Variants in RTN4RL1 observed in about 807,000 individuals in gnomAD.
RTN4RL1 encodes reticulon 4 receptor like 1.
In RTN4RL1, 7 loss-of-function variants were observed where a neutral mutation model predicts 25.6. The ratio of observed to expected loss-of-function variants is 0.27; its 90% CI spans 0.16 to 0.51. The LOEUF (loss-of-function observed/expected upper bound fraction) is 0.51. RTN4RL1 is among the 20% of genes least tolerant of loss of function. The pLI is 0.97. For missense variants in RTN4RL1, 500 were observed against 615.6 expected, an observed-to-expected ratio of 0.81 and a Z score of 1.99; for synonymous variants, 297 against 288.2, an observed-to-expected ratio of 1.03 and a Z score of -0.31.
intron 1 of RTN4RL1, among the ~76,000 whole-genome samples, chr17:1,960,068 CTGG>C (rs902780916): frequency 1.9e-4 from 29 of 152,198 alleles, no homozygotes; most frequent in Admixed American, 4.6e-4. Flanking sequence ...GCTGCTCAAG[CTGG>C]AAATGCAGGT....
Position 1,935,215 on chromosome 17 carries a change from G to A in RTN4RL1, c.*1281C>T, listed in dbSNP as rs1002438611. 6.5e-6 allele frequency: 1 copy of A among 152,852 alleles called. No homozygotes were observed. Among genetic ancestry groups the A allele is most frequent in the East Asian group, 1.9e-4 (1 of 5,186 alleles). The allele number at this position is 152,852 out of a possible 1,614,324, so 9.5% of individuals were successfully genotyped here. A position where few individuals can be genotyped will look rare whatever the true frequency, so the allele number is the denominator to read the frequency against. ...GCTGACGACACGGTCCGACCCTTTG[G>A]ACTAACACTGTGGATGCTGCCTGGC... On this transcript the variant is annotated 3_prime_UTR_variant, in exon 2 of 2. Coordinates refer to ENST00000331238, the MANE Select transcript of RTN4RL1 (RefSeq NM_178568.4).
Position 1,939,154 on chromosome 17 carries a change from C to A in RTN4RL1, c.14-1346G>T, listed in dbSNP as rs968155176. On this transcript the variant is annotated intron_variant, in intron 1 of 1. Transcript: ENST00000331238. ...GATCACGAGGTCAGGAGATCGAGAC[C>A]ATCCTGGCTAACACGGCGAAACCCC... 1.3e-4 allele frequency among the ~76,000 whole-genome samples: 20 copies of A among 152,082 alleles called. No homozygotes were observed. In the East Asian group the frequency reaches 3.5e-3, roughly 27 times the overall value.
chr17:2,020,869 G>C (rs758336253), intron 1 of RTN4RL1, among the ~76,000 whole-genome samples: 1 of 152,172 alleles, frequency 6.6e-6, no homozygotes, highest in Non-Finnish European at 1.5e-5. Flanking sequence ...GGAAAGCCAC[G>C]GGTCCCGACC....
intron 1 of RTN4RL1, among the ~76,000 whole-genome samples, chr17:1,987,640 C>T (rs1392512104): frequency 2.6e-5 from 4 of 151,918 alleles, no homozygotes; most frequent in Non-Finnish European, 5.9e-5. Context: ...GTCCTTCTAG[C>T]TCTGAAGCAG....
chr17:2,010,305 AAAT>A (rs1412072479), intron 1 of RTN4RL1, among the ~76,000 whole-genome samples: 1 of 134,854 alleles, frequency 7.4e-6, no homozygotes, highest in African/African-American at 2.6e-5. Flanking sequence ...AAAAATAAAA[AAAT>A]AATAATAAAA....
chr17:1,949,976 G>A (rs1374610253), intron 1 of RTN4RL1, among the ~76,000 whole-genome samples: 2 of 152,236 alleles, frequency 1.3e-5, no homozygotes, highest in Non-Finnish European at 2.9e-5. Context: ...AGCTTGGCTT[G>A]GACAAGGGCA....
At chr17:1,962,312 GAAGT>G (rs1453149137) in intron 1 of RTN4RL1, among the ~76,000 whole-genome samples, 1 of 151,202 alleles carries the variant, frequency 6.6e-6, no homozygotes, top group East Asian at 1.9e-4. Context: ...AAAAAGAAAA[GAAGT>G]AAGAAAGAAA....
intron 1 of RTN4RL1, among the ~76,000 whole-genome samples, chr17:1,955,646 C>T (rs1422541027): frequency 1.3e-5 from 2 of 151,444 alleles, no homozygotes; most frequent in Admixed American, 6.6e-5. Context: ...TGCAGTGGCG[C>T]GATCTCGGCT....
intron 1 of RTN4RL1, among the ~76,000 whole-genome samples, chr17:1,942,530 G>A (rs988910842): frequency 6.6e-5 from 10 of 152,064 alleles, no homozygotes; most frequent in Non-Finnish European, 1.5e-4. Flanking sequence ...TGCCATCCCC[G>A]TGCCACCTGC....
intron 1 of RTN4RL1, among the ~76,000 whole-genome samples, chr17:2,000,013 G>C (rs968354733): frequency 6.6e-6 from 1 of 152,240 alleles, no homozygotes; most frequent in African/African-American, 2.4e-5. Context: ...ATGGGTGCAG[G>C]GGCACAGGCC....
At chr17:2,024,745 C>T (rs1027658228) in intron 1 of RTN4RL1, 108 bp downstream of exon 1, 2 of 1,157,362 alleles carry the variant, frequency 1.7e-6, no homozygotes, top group Non-Finnish European at 2.4e-6. Context: ...CACCAGCCCG[C>T]CGGGGGCTAC....
At chr17:1,962,293 AAAGTAAGAAAAAAGAAAAGAAGT>A (rs1476056648) in intron 1 of RTN4RL1, among the ~76,000 whole-genome samples, 1 of 151,574 alleles carries the variant, frequency 6.6e-6, no homozygotes, top group Non-Finnish European at 1.5e-5. Context: ...AAAAAAAAAG[AAAGTAAGAAAAAAGAAAAGAAGT>A]AAGAAAGAAA....
chr17:1,976,939 C>T (rs938172230), intron 1 of RTN4RL1, among the ~76,000 whole-genome samples: 3 of 152,196 alleles, frequency 2.0e-5, no homozygotes, highest in Non-Finnish European at 4.4e-5. Flanking sequence ...ATGAGCCAGT[C>T]CAGGTACAGT....
At chr17:1,964,097 G>A (rs1323793390) in intron 1 of RTN4RL1, among the ~76,000 whole-genome samples, 1 of 152,144 alleles carries the variant, frequency 6.6e-6, no homozygotes, top group Non-Finnish European at 1.5e-5. Flanking sequence ...GCGTTCTGGG[G>A]TCTCAAGCCT....
chr17:1,989,930 G>A (rs184712460), intron 1 of RTN4RL1, among the ~76,000 whole-genome samples: 3 of 151,874 alleles, frequency 2.0e-5, no homozygotes, highest in African/African-American at 7.2e-5. Context: ...AGACCAGCCC[G>A]GGCAAGACAG....
intron 1 of RTN4RL1, among the ~76,000 whole-genome samples, chr17:1,975,777 C>A (rs2066840348): frequency 6.6e-6 from 1 of 152,192 alleles, no homozygotes; most frequent in African/African-American, 2.4e-5. Context: ...GCACCATTTG[C>A]AGATTTACTG....
chr17:1,969,318 A>G (rs2066807680), intron 1 of RTN4RL1, among the ~76,000 whole-genome samples: 1 of 151,882 alleles, frequency 6.6e-6, no homozygotes, highest in African/African-American at 2.4e-5. Context: ...CGGCCTCCCA[A>G]AGTGCTGGGA....
intron 1 of RTN4RL1, among the ~76,000 whole-genome samples, chr17:1,964,732 TAA>T (rs77479135): frequency 6.6e-6 from 1 of 150,540 alleles, no homozygotes; most frequent in African/African-American, 2.4e-5. Flanking sequence ...AACCTGTCTC[TAA>T]AAAAAAATTT....
chr17:1,994,869 G>A lies in RTN4RL1; in HGVS notation c.13+29984C>T, dbSNP rs897827343. Among the ~76,000 whole-genome samples, 3 of 151,956 alleles carry A rather than the reference G, an allele frequency of 2.0e-5. No individual in the cohort carries two copies. The highest frequency in any genetic ancestry group is 2.1e-4 in the South Asian group (1 of 4,812). On this transcript the variant is annotated intron_variant, in intron 1 of 1. Coordinates refer to ENST00000331238, the MANE Select transcript of RTN4RL1 (RefSeq NM_178568.4). This position sits in a 1 kb window ranked among gnomAD's most constrained non-coding sequence, Gnocchi z 4.3. ...TCCCAGTACTTTGGGAAGCCGAGGT[G>A]GGAGGACTGCTTGAAGCCAGGAGTT...
Sources: allele counts gnomAD v4.1 joint callset (sites outside exome capture counted in the v4.1 genomes callset), GRCh38; gene constraint gnomAD v4.1.1; non-coding constraint Gnocchi (gnomAD v3.1); transcripts MANE v1.5; gene names NCBI Gene and HGNC (gene_info 2026-07-23, HGNC 2026-07-21).